RTN4: variants seen among roughly 807,000 people sequenced by gnomAD.
RTN4 encodes the protein reticulon 4, also known as reticulon-4.
RTN4 carries 32 observed loss-of-function variants against 90.4 expected under a neutral mutation model. That is an observed-to-expected ratio of 0.35 (90% CI 0.27 to 0.48). The LOEUF (loss-of-function observed/expected upper bound fraction) is 0.48, where lower values mean the gene tolerates loss of function less well. Among genes scored for constraint, RTN4 ranks in the 20% least tolerant of loss-of-function variants. RTN4 has a pLI of 0.99. For missense variants in RTN4, 1,706 were observed against 1,430.2 expected, an observed-to-expected ratio of 1.19 and a Z score of -3.11; for synonymous variants, 629 against 552.5, an observed-to-expected ratio of 1.14 and a Z score of -1.94.
chr2:55,097,353 T>C lies in RTN4; in HGVS notation c.-214+15167A>G, dbSNP rs1208380410. Among the ~76,000 whole-genome samples, 3 of 150,776 alleles carry C rather than the reference T, an allele frequency of 2.0e-5. No homozygotes were observed. The East Asian group carries it at 5.8e-4, about 29-fold the overall frequency. Reference sequence around the variant, plus strand: ...CCTCAGTCCAGACTCAGAATCAGAATTTCTGGGGTTGGGGGGAAAGCCTGG... The same window carrying C: ...CCTCAGTCCAGACTCAGAATCAGAACTTCTGGGGTTGGGGGGAAAGCCTGG... On this transcript the variant is annotated intron_variant, in intron 1 of 3. Transcript: ENST00000427710.
the RTN4 span, among the ~76,000 whole-genome samples, chr2:55,118,029 C>T: frequency 6.6e-6 from 1 of 152,128 alleles, no homozygotes; most frequent in African/African-American, 2.4e-5. Context: ...TTGGGATTTT[C>T]TGTTTTGTCT....
At chr2:55,010,100 A>T in intron 3 of RTN4, 1 of 1,613,580 alleles carries the variant, frequency 6.2e-7, no homozygotes. Context: ...TGTCCTTCCA[A>T]TTTTTCTTCT....
Position 55,046,261 on chromosome 2 carries a change from A to G in RTN4, c.556+3484T>C, listed in dbSNP as rs143471124. Among the ~76,000 whole-genome samples the G allele has an allele frequency of 1.9e-3, 296 of 152,278 alleles. 12 individuals carry two copies. In the East Asian group the frequency reaches 0.048, roughly 25 times the overall value. ...AACTTATTTTAGTTCCAAAATCACA[A>G]TATAATTATTTAATAAGCATATTTT... On this transcript the variant is annotated intron_variant, in intron 1 of 8. Coordinates refer to ENST00000337526, the MANE Select transcript of RTN4 (RefSeq NM_020532.5).
chr2:55,073,706 C>T (rs778256886), intron 2 of RTN4, among the ~76,000 whole-genome samples: 1 of 152,234 alleles, frequency 6.6e-6, no homozygotes, highest in Non-Finnish European at 1.5e-5. Flanking sequence ...CAATGGCTTT[C>T]TGGGGACATT....
At chr2:55,049,552 A>G (rs1334437021) in intron 1 of RTN4, 193 bp downstream of exon 1, 1 of 899,058 alleles carries the variant, frequency 1.1e-6, no homozygotes, top group South Asian at 1.4e-5. Context: ...GACAATAAGA[A>G]CAAACCCGGG....
chr2:55,086,700 A>T (rs1668845277), intron 1 of RTN4, among the ~76,000 whole-genome samples: 1 of 152,006 alleles, frequency 6.6e-6, no homozygotes, highest in African/African-American at 2.4e-5. Flanking sequence ...ATTAATAATA[A>T]TAATAACATC....
intron 5 of RTN4, among the ~76,000 whole-genome samples, chr2:54,980,152 T>C (rs1678000822): frequency 6.6e-6 from 1 of 152,198 alleles, no homozygotes; most frequent in Non-Finnish European, 1.5e-5. Context: ...ATGAATAACA[T>C]AATTGCTTTT....
chr2:55,074,355 T>A (rs897636313), intron 2 of RTN4, among the ~76,000 whole-genome samples: 2 of 151,600 alleles, frequency 1.3e-5, no homozygotes, highest in Admixed American at 6.6e-5. Context: ...ATGTTAAAAT[T>A]AGCCAGGTGT....
chr2:55,097,116 G>A (rs916158354), intron 1 of RTN4, among the ~76,000 whole-genome samples: 1 of 151,586 alleles, frequency 6.6e-6, no homozygotes, highest in African/African-American at 2.4e-5. Context: ...AGAAGTTCTA[G>A]GCAGAGGGCA....
intron 2 of RTN4, 92 bp downstream of exon 2, chr2:55,028,072 T>C (rs1682036910): frequency 2.8e-6 from 3 of 1,078,096 alleles, no homozygotes; most frequent in South Asian, 1.9e-5. Flanking sequence ...TGCTAATTTT[T>C]AGTAAACCCA....
At chr2:55,081,064 T>C (rs1019568781) in intron 1 of RTN4, among the ~76,000 whole-genome samples, 1 of 151,996 alleles carries the variant, frequency 6.6e-6, no homozygotes, top group South Asian at 2.1e-4. Flanking sequence ...TTTCTTTCAT[T>C]CTTTCATTCT....
chr2:55,108,676 C>T (rs1667985937), intron 1 of RTN4, among the ~76,000 whole-genome samples: 1 of 152,104 alleles, frequency 6.6e-6, no homozygotes, highest in African/African-American at 2.4e-5. Context: ...CCTCTCCTCT[C>T]TTATTACTTT....
In RTN4 at chr2:55,027,358, T is replaced by C. The variant is rs1403103274; in HGVS notation, c.741A>G (p.Lys247=). Residue 247 remains lysine (K), a synonymous_variant, in exon 3 of 9, where the codon AAA becomes AAG. Transcript: ENST00000337526. ...SLSPLSAASF[K]EHEYLGNLST... ...ACAAATTACCAAGGTATTCATGTTC[T>C]TTGAAAGAAGCGGCTGAGAGAGGAG... 6.2e-7 allele frequency: 1 copy of C among 1,613,582 alleles called. No homozygotes were observed. The highest frequency in any genetic ancestry group is 1.3e-5 in the African/African-American group (1 of 74,886).
At chr2:55,010,269 G>T in intron 3 of RTN4, 3 of 1,494,756 alleles carry the variant, frequency 2.0e-6, no homozygotes, top group South Asian at 2.7e-5. Context: ...ACTGCAGCAG[G>T]ACTGAAGTCA....
intron 1 of RTN4, among the ~76,000 whole-genome samples, chr2:55,111,596 C>T (rs1242064918): frequency 3.3e-5 from 5 of 152,132 alleles, no homozygotes; most frequent in Non-Finnish European, 4.4e-5. Context: ...CACCTCCCAC[C>T]CTCTGCTGGG....
At chr2:55,110,410 C>A (rs1668017526) in intron 1 of RTN4, among the ~76,000 whole-genome samples, 1 of 151,922 alleles carries the variant, frequency 6.6e-6, no homozygotes, top group Non-Finnish European at 1.5e-5. Context: ...CCCCTGAGTA[C>A]CCCTTCTCAC....
chr2:55,053,723 A>G (rs1404419032), upstream of RTN4, among the ~76,000 whole-genome samples: 1 of 152,062 alleles, frequency 6.6e-6, no homozygotes, highest in Non-Finnish European at 1.5e-5. Context: ...AAAGAAAAGA[A>G]AATACCTCAT....
rs533771076 is a variant in RTN4, at chr2:55,014,444, T to C, written c.3013+10642A>G. 3.3e-5 allele frequency: 5 copies of C among 152,300 alleles called. No individual in the cohort carries two copies. In the South Asian group the frequency reaches 1.0e-3, roughly 32 times the overall value. 9.4% of individuals were successfully genotyped at this position (152,300 alleles called of 1,614,324 possible). A position where few individuals can be genotyped will look rare whatever the true frequency, so the allele number is the denominator to read the frequency against. Reference sequence around the variant, plus strand: ...AAAATATGAAACACTTCACAAATTCTATGCGTCATTCTTGTGCAGGGGCTA... The same window carrying C: ...AAAATATGAAACACTTCACAAATTCCATGCGTCATTCTTGTGCAGGGGCTA... On this transcript the variant is annotated intron_variant, in intron 3 of 8. Transcript: ENST00000337526.
intron 3 of RTN4, among the ~76,000 whole-genome samples, chr2:54,991,654 A>G (rs1679021996): frequency 6.6e-6 from 1 of 152,196 alleles, no homozygotes; most frequent in Non-Finnish European, 1.5e-5. Flanking sequence ...AAACCGATGA[A>G]GTTTTACTAC....
Sources: gnomAD v4.1 joint callset for allele counts (sites outside exome capture counted in the v4.1 genomes callset) on GRCh38, gnomAD v4.1.1 for gene constraint, MANE v1.5 for transcripts, NCBI Gene and HGNC (gene_info 2026-07-23, HGNC 2026-07-21) for gene names.